Variants in KLRG1 observed in about 807,000 individuals in gnomAD.
The protein encoded by KLRG1 is killer cell lectin-like receptor subfamily G member 1.
KLRG1 carries 16 observed loss-of-function variants against 21.8 expected under a neutral mutation model. That is an observed-to-expected ratio of 0.73 (90% CI 0.50 to 1.11). KLRG1 has a LOEUF of 1.11. Among genes scored for constraint, KLRG1 ranks in the 50% most tolerant of loss-of-function variants. The pLI, the probability that KLRG1 is intolerant of heterozygous loss-of-function variation, is 0.00. For missense variants in KLRG1, 173 were observed against 218.3 expected (o/e 0.79, Z 1.31); for synonymous variants, 69 against 75.9 (o/e 0.91, Z 0.47).
the KLRG1 span, chr12:9,068,979 G>C: frequency 1.8e-6 from 1 of 553,922 alleles, no homozygotes. Flanking sequence ...ATTAAATTGT[G>C]CAGAAATCTC....
At chr12:8,975,464 T>C (rs1229237172) in intron 1 of KLRG1, among the ~76,000 whole-genome samples, 1 of 152,244 alleles carries the variant, frequency 6.6e-6, no homozygotes, top group Non-Finnish European at 1.5e-5. Flanking sequence ...TATTCTTAAG[T>C]GCTCCTTATG....
the KLRG1 span, among the ~76,000 whole-genome samples, chr12:9,050,187 A>G: frequency 6.6e-6 from 1 of 152,230 alleles, no homozygotes; most frequent in Non-Finnish European, 1.5e-5. Context: ...GGCTCTCCCT[A>G]AGCGGTAAGA....
chr12:9,208,355 T>A, the KLRG1 span: 1 of 1,607,710 alleles, frequency 6.2e-7, no homozygotes, highest in East Asian at 2.2e-5. Flanking sequence ...GAGGGATAAA[T>A]CTCAGGGTTG....
the KLRG1 span, among the ~76,000 whole-genome samples, chr12:9,142,104 C>T: frequency 1.3e-5 from 2 of 152,132 alleles, no homozygotes; most frequent in Non-Finnish European, 2.9e-5. Flanking sequence ...TAATTTACTT[C>T]AGGACAGGAA....
chr12:9,095,908 C>G, the KLRG1 span, among the ~76,000 whole-genome samples: 2 of 150,930 alleles, frequency 1.3e-5, no homozygotes, highest in Non-Finnish European at 3.0e-5. Flanking sequence ...TACAGGCGCC[C>G]GCCACCGCGC....
chr12:9,206,968 G>A, the KLRG1 span, among the ~76,000 whole-genome samples: 1 of 152,178 alleles, frequency 6.6e-6, no homozygotes, highest in African/African-American at 2.4e-5. Context: ...TGGATGGAGA[G>A]CAGCTGGAAG....
At chr12:9,118,763 A>G in the KLRG1 span, among the ~76,000 whole-genome samples, 1 of 152,226 alleles carries the variant, frequency 6.6e-6, no homozygotes, top group Non-Finnish European at 1.5e-5. Context: ...AACATGTACA[A>G]AATCCCTTAT....
chr12:8,994,798 C>T lies in KLRG1; in HGVS notation c.188-321C>T, dbSNP rs538930823. Reference sequence around the variant, plus strand: ...CTGGTGTGTGTATATTACATGTGCACAGAGATCTCTAGCACAAGTCAAGTA... The same window carrying T: ...CTGGTGTGTGTATATTACATGTGCATAGAGATCTCTAGCACAAGTCAAGTA... On this transcript the variant is annotated intron_variant, in intron 2 of 4. Coordinates refer to ENST00000356986, the MANE Select transcript of KLRG1 (RefSeq NM_005810.4). 2.6e-5 allele frequency among the ~76,000 whole-genome samples: 4 copies of T among 152,284 alleles called. No homozygotes were observed. In the South Asian group the frequency reaches 8.3e-4, roughly 32 times the overall value.
chr12:9,073,535 C>A, the KLRG1 span, among the ~76,000 whole-genome samples: 4 of 151,978 alleles, frequency 2.6e-5, no homozygotes, highest in Non-Finnish European at 1.5e-5. Flanking sequence ...TGAATGATAA[C>A]CTTTAACAAA....
the KLRG1 span, among the ~76,000 whole-genome samples, chr12:9,144,995 A>ACT: frequency 6.6e-6 from 1 of 151,558 alleles, no homozygotes; most frequent in Non-Finnish European, 1.5e-5. Flanking sequence ...CCTGTCACCT[A>ACT]CTCTCTTGTG....
the KLRG1 span, among the ~76,000 whole-genome samples, chr12:9,056,305 G>A: frequency 6.6e-6 from 1 of 152,116 alleles, no homozygotes; most frequent in South Asian, 2.1e-4. Flanking sequence ...CATGGTCAAG[G>A]AATTTCCACT....
the KLRG1 span, among the ~76,000 whole-genome samples, chr12:9,085,609 G>T: frequency 3.3e-5 from 5 of 151,712 alleles, no homozygotes; most frequent in Non-Finnish European, 7.4e-5. Context: ...AGGAAAAGAA[G>T]AACAAAGTAA....
At chr12:8,973,163 GAAAAAAAAAAAAA>G (rs59760555) in intron 1 of KLRG1, among the ~76,000 whole-genome samples, 2 of 97,032 alleles carry the variant, frequency 2.1e-5, no homozygotes, top group Non-Finnish European at 4.0e-5. Flanking sequence ...CATCTCAAAA[GAAAAAAAAAAAAA>G]AAAAAAAAAA....
the KLRG1 span, among the ~76,000 whole-genome samples, chr12:9,021,017 T>C: frequency 6.6e-6 from 1 of 152,168 alleles, no homozygotes; most frequent in African/African-American, 2.4e-5. Context: ...CTGTGGACAA[T>C]TGTAACACAA....
At chr12:9,040,147 A>T in the KLRG1 span, among the ~76,000 whole-genome samples, 1,170 of 152,318 alleles carry the variant, frequency 7.7e-3, 15 homozygotes, top group African/African-American at 0.027. Flanking sequence ...ATAGTGGTAA[A>T]TTTGCTACCA....
intron 3 of KLRG1, among the ~76,000 whole-genome samples, chr12:8,997,690 C>T (rs1947175103): frequency 1.3e-5 from 2 of 152,202 alleles, no homozygotes; most frequent in Non-Finnish European, 2.9e-5. Context: ...GAGTTCACCT[C>T]CTATCTTAGA....
chr12:9,128,973 A>G, the KLRG1 span, among the ~76,000 whole-genome samples: 2 of 152,162 alleles, frequency 1.3e-5, no homozygotes, highest in Non-Finnish European at 2.9e-5. Flanking sequence ...ACACACCTGG[A>G]CTATACTATC....
chr12:9,101,508 G>A, the KLRG1 span: 1 of 1,613,922 alleles, frequency 6.2e-7, no homozygotes, highest in Non-Finnish European at 8.5e-7. Flanking sequence ...AATATAATGT[G>A]CCTGGACTGT....
At chr12:8,998,243 C>T (rs771353386) in intron 3 of KLRG1, among the ~76,000 whole-genome samples, 1 of 152,026 alleles carries the variant, frequency 6.6e-6, no homozygotes, top group Non-Finnish European at 1.5e-5. Flanking sequence ...GCACCTGAAT[C>T]GTTTGAACCC....
Sources: allele counts gnomAD v4.1 joint callset (sites outside exome capture counted in the v4.1 genomes callset), GRCh38; gene constraint gnomAD v4.1.1; transcripts MANE v1.5; gene names NCBI Gene and HGNC (gene_info 2026-07-23, HGNC 2026-07-21).